The following VPS13A variants were observed in gnomAD, a reference collection of about 807,000 sequenced individuals.
VPS13A encodes the protein intermembrane lipid transfer protein VPS13A.
In VPS13A, 264 loss-of-function variants were observed where a neutral mutation model predicts 390.9. The ratio of observed to expected loss-of-function variants is 0.68; its 90% CI spans 0.61 to 0.75. The LOEUF (loss-of-function observed/expected upper bound fraction) is 0.75. VPS13A is among the 30% of genes least tolerant of loss of function. The pLI is 0.00. For missense variants in VPS13A, 3,409 were observed against 3,733.9 expected (o/e 0.91, Z 2.27); for synonymous variants, 1,231 against 1,227.1 (o/e 1.00, Z -0.07).
At chr9:77,288,460 G>A (rs1827466856) in intron 31 of VPS13A, among the ~76,000 whole-genome samples, 1 of 152,022 alleles carries the variant, frequency 6.6e-6, no homozygotes, top group Non-Finnish European at 1.5e-5. Context: ...GTTTTGATAT[G>A]TCATATTTTT....
chr9:77,199,903 A>G, intron 1 of VPS13A, 42 bp from the exon 2 acceptor site: 1 of 1,547,426 alleles, frequency 6.5e-7, no homozygotes, highest in Non-Finnish European at 8.8e-7. Flanking sequence ...TTTAAAATGA[A>G]AAATATTTGA....
chr9:77,376,766 G>A (rs549769446), intron 67 of VPS13A, among the ~76,000 whole-genome samples: 2 of 152,296 alleles, frequency 1.3e-5, no homozygotes, highest in Non-Finnish European at 2.9e-5. Context: ...AAAAATTCAA[G>A]ATTTGTGAGC....
chr9:77,303,654 G>A (rs1027734067), intron 34 of VPS13A, among the ~76,000 whole-genome samples: 1 of 152,034 alleles, frequency 6.6e-6, no homozygotes, highest in Non-Finnish European at 1.5e-5. Context: ...AGGAAAGCAG[G>A]GTGGTAATAA....
chr9:77,380,939 C>T (rs560121852), intron 67 of VPS13A, among the ~76,000 whole-genome samples: 1 of 152,312 alleles, frequency 6.6e-6, no homozygotes, highest in South Asian at 2.1e-4. Flanking sequence ...CCACTACTCA[C>T]CTCCTGCTGC....
intron 62 of VPS13A, among the ~76,000 whole-genome samples, chr9:77,368,430 G>A (rs1410555365): frequency 2.0e-5 from 3 of 152,074 alleles, no homozygotes; most frequent in African/African-American, 7.2e-5. Context: ...ATTAAAAAAT[G>A]GGTTCATGGA....
chr9:77,305,243 T>G (rs1267407717), intron 34 of VPS13A, among the ~76,000 whole-genome samples: 1 of 152,174 alleles, frequency 6.6e-6, no homozygotes. Context: ...TGGCCGAGAT[T>G]TCAGACTTTT....
At chr9:77,180,881 A>G (rs1823973849) in intron 1 of VPS13A, among the ~76,000 whole-genome samples, 1 of 152,164 alleles carries the variant, frequency 6.6e-6, no homozygotes, top group Non-Finnish European at 1.5e-5. Flanking sequence ...TTTAACAAAT[A>G]ATTTAAAAAA....
chr9:77,319,621 C>G lies in VPS13A; in HGVS notation c.5363C>G (p.Pro1788Arg), dbSNP rs772934824. Residue 1788 changes from proline (P) to arginine (R), a missense_variant, in exon 42 of 72, where the codon CCC becomes CGC. Physicochemically the swap from Pro to Arg is moderately radical, Grantham distance 103. Transcript: ENST00000360280. ...GGTGTATGGGAGCCTTTGCTTGAAC[C>G]CTTAGAAATTGATCAGACTGAGGAT... ...MFGVWEPLLE[P>R]LEIDQTEDFR... 2.5e-6 allele frequency: 4 copies of G among 1,612,008 alleles called. No homozygotes were observed. In the African/African-American group the frequency reaches 5.4e-5, roughly 22 times the overall value.
intron 68 of VPS13A, among the ~76,000 whole-genome samples, chr9:77,385,611 A>G (rs1385872861): frequency 6.6e-6 from 1 of 152,164 alleles, no homozygotes; most frequent in East Asian, 1.9e-4. Context: ...AACATAGATG[A>G]AACTGTCCTA....
At chr9:77,328,793 G>C (rs1201181932) in intron 45 of VPS13A, among the ~76,000 whole-genome samples, 1 of 152,142 alleles carries the variant, frequency 6.6e-6, no homozygotes, top group Non-Finnish European at 1.5e-5. Context: ...TGTTATAGCT[G>C]GTTTGATCTT....
chr9:77,335,686 T>TA (rs1830504948), intron 46 of VPS13A, among the ~76,000 whole-genome samples: 1 of 152,292 alleles, frequency 6.6e-6, no homozygotes, highest in African/African-American at 2.4e-5. Context: ...TGGCAATCGT[T>TA]AAAAAGTCAG....
intron 35 of VPS13A, among the ~76,000 whole-genome samples, chr9:77,312,088 C>T (rs1022362779): frequency 5.3e-4 from 80 of 151,908 alleles, no homozygotes; most frequent in Admixed American, 2.5e-3. Context: ...AATCTTCTAC[C>T]ACCAGAAACT....
At chr9:77,297,683 A>C (rs547647025) in intron 33 of VPS13A, among the ~76,000 whole-genome samples, 2 of 152,034 alleles carry the variant, frequency 1.3e-5, no homozygotes, top group South Asian at 4.2e-4. Context: ...TAAGCACCAA[A>C]TCTATCCCAG....
At chr9:77,310,929 AT>A (rs764142410) in intron 35 of VPS13A, among the ~76,000 whole-genome samples, 259 of 145,660 alleles carry the variant, frequency 1.8e-3, no homozygotes, top group Middle Eastern at 3.6e-3. Flanking sequence ...ACTTTCACTA[AT>A]TTTTTTTTTT....
At chr9:77,365,197 G>A (rs1204572667) in intron 59 of VPS13A, among the ~76,000 whole-genome samples, 6 of 152,134 alleles carry the variant, frequency 3.9e-5, no homozygotes, top group African/African-American at 1.4e-4. Flanking sequence ...ATGTCATTTT[G>A]GGATAAGATT....
At chr9:77,335,979 G>A (rs1384519371) in intron 46 of VPS13A, among the ~76,000 whole-genome samples, 5 of 152,164 alleles carry the variant, frequency 3.3e-5, no homozygotes, top group African/African-American at 9.7e-5. Flanking sequence ...ATGATAGACT[G>A]GATAAAGGAA....
At position 77,345,058 on chromosome 9, in the gene VPS13A, T is replaced by C. The variant is rs767546862; in HGVS notation, c.7205T>C (p.Ile2402Thr). 8 of 1,613,220 alleles carry C rather than the reference T, an allele frequency of 5.0e-6. No homozygotes were observed. Among genetic ancestry groups the C allele is most frequent in the Middle Eastern group, 1.7e-4 (1 of 6,056 alleles). ...EVNLAEHSTVITFLDYHDGAA... is the reference protein window; with the variant it reads ...EVNLAEHSTVTTFLDYHDGAA... The stretch of plus-strand genomic sequence containing the variant: ...AATTTGGCCGAGCATTCTACAGTTA[T>C]TACATTTTTAGATTATCATGATGGA... The change falls in exon 52 of 72, where the codon ATT (isoleucine) becomes ACT (threonine). Residue 2402 changes from isoleucine to threonine, a missense_variant. By Grantham distance (89) the Ile-to-Thr change is moderately conservative (BLOSUM62 -1). Coordinates refer to ENST00000360280, the MANE Select transcript of VPS13A (RefSeq NM_033305.3).
intron 68 of VPS13A, chr9:77,384,662 T>G (rs144225619): frequency 7.5e-6 from 12 of 1,598,952 alleles, no homozygotes; most frequent in Middle Eastern, 3.7e-4. Context: ...ATGATGATGA[T>G]GAGTCAGATC....
At chr9:77,184,395 G>T (rs998994996) in intron 1 of VPS13A, among the ~76,000 whole-genome samples, 1 of 152,148 alleles carries the variant, frequency 6.6e-6, no homozygotes, top group African/African-American at 2.4e-5. Context: ...GAGGTGGCCA[G>T]ATCAGTTGAG....
Sources: allele counts gnomAD v4.1 joint callset (sites outside exome capture counted in the v4.1 genomes callset), GRCh38; gene constraint gnomAD v4.1.1; transcripts MANE v1.5; gene names NCBI Gene and HGNC (gene_info 2026-07-23, HGNC 2026-07-21).